The following CNTNAP2 variants were observed in gnomAD, a reference collection of about 807,000 sequenced individuals.
CNTNAP2 encodes contactin-associated protein-like 2.
CNTNAP2 carries 98 observed loss-of-function variants against 155.2 expected under a neutral mutation model. That is an observed-to-expected ratio of 0.63 (90% confidence interval 0.54 to 0.75). The LOEUF (loss-of-function observed/expected upper bound fraction) is 0.75, where lower values mean the gene tolerates loss of function less well. Among genes scored for constraint, CNTNAP2 ranks in the 30% least tolerant of loss-of-function variants. The pLI is 0.00. For missense variants in CNTNAP2, 1,727 were observed against 1,688.1 expected (o/e 1.02, Z -0.40); for synonymous variants, 651 against 631.2 (o/e 1.03, Z -0.47).
chr7:146,162,443 A>G (rs1798238810), intron 1 of CNTNAP2, among the ~76,000 whole-genome samples: 1 of 152,254 alleles, frequency 6.6e-6, no homozygotes, highest in Admixed American at 6.5e-5. Flanking sequence ...AATGCAAATC[A>G]AAACCACAAT....
intron 20 of CNTNAP2, among the ~76,000 whole-genome samples, chr7:148,257,622 C>G (rs1053545655): frequency 1.3e-5 from 2 of 152,142 alleles, no homozygotes; most frequent in Non-Finnish European, 2.9e-5. Context: ...CCTGCTGACC[C>G]TCACCCTGAT....
intron 1 of CNTNAP2, among the ~76,000 whole-genome samples, chr7:146,358,160 G>A (rs1196553632): frequency 3.9e-5 from 6 of 151,932 alleles, no homozygotes; most frequent in African/African-American, 7.3e-5. Context: ...TCAGCCTCCC[G>A]AGTAGCTGGG....
At chr7:147,329,017 C>T (rs1199915500) in intron 9 of CNTNAP2, among the ~76,000 whole-genome samples, 1 of 152,038 alleles carries the variant, frequency 6.6e-6, no homozygotes, top group African/African-American at 2.4e-5. Flanking sequence ...TTTTACAAAG[C>T]GAAGGCACCT....
At position 146,172,659 on chromosome 7, in the gene CNTNAP2, C is replaced by T. The variant is rs150565510; in HGVS notation, c.97+55686C>T. Among the ~76,000 whole-genome samples the T allele has an allele frequency of 4.6e-5, 7 of 152,128 alleles. No individual in the cohort carries two copies. In the East Asian group the frequency reaches 5.8e-4, roughly 13 times the overall value. Reference sequence around the variant, plus strand: ...ATAATTAATTAAGTTCTGATCATTACGTGTTTTCATTTCTGTGTGGATAAC... The same window carrying T: ...ATAATTAATTAAGTTCTGATCATTATGTGTTTTCATTTCTGTGTGGATAAC... On this transcript the variant is annotated intron_variant, in intron 1 of 23. Transcript: ENST00000361727.
At chr7:147,262,840 TA>T (rs1186310557) in intron 8 of CNTNAP2, among the ~76,000 whole-genome samples, 1 of 152,004 alleles carries the variant, frequency 6.6e-6, no homozygotes, top group Non-Finnish European at 1.5e-5. Flanking sequence ...GGTACCCAAG[TA>T]CAAGGAAAGA....
intron 22 of CNTNAP2, among the ~76,000 whole-genome samples, chr7:148,398,570 C>G (rs530882971): frequency 6.6e-6 from 1 of 152,190 alleles, no homozygotes; most frequent in Non-Finnish European, 1.5e-5. Context: ...CTAGAAATTT[C>G]CACAGAGGGA....
chr7:146,131,858 G>A (rs551212919), intron 1 of CNTNAP2, among the ~76,000 whole-genome samples: 7 of 152,048 alleles, frequency 4.6e-5, no homozygotes, highest in East Asian at 1.9e-4. Flanking sequence ...TGCTGTTCTC[G>A]TGATAGTGAG....
chr7:148,319,383 T>C (rs916665985), intron 21 of CNTNAP2, among the ~76,000 whole-genome samples: 2 of 152,136 alleles, frequency 1.3e-5, no homozygotes, highest in African/African-American at 4.8e-5. Context: ...AATATAAAAA[T>C]TATTAAGATA....
At chr7:147,074,449 C>A (rs1051861762) in intron 4 of CNTNAP2, among the ~76,000 whole-genome samples, 3 of 152,054 alleles carry the variant, frequency 2.0e-5, no homozygotes, top group African/African-American at 4.8e-5. Flanking sequence ...TTCCTGCCAC[C>A]ATTTCTATGG....
At chr7:146,411,957 C>T (rs1452682213) in intron 1 of CNTNAP2, among the ~76,000 whole-genome samples, 1 of 151,960 alleles carries the variant, frequency 6.6e-6, no homozygotes, top group Non-Finnish European at 1.5e-5. Context: ...CTGCCTCAAC[C>T]TCCCGAGTAG....
At chr7:147,882,888 T>C (rs1266524018) in intron 13 of CNTNAP2, among the ~76,000 whole-genome samples, 3 of 152,196 alleles carry the variant, frequency 2.0e-5, no homozygotes, top group Non-Finnish European at 4.4e-5. Context: ...GAAAAACAAT[T>C]TGGTTTGACA....
At chr7:147,432,975 A>T (rs947168695) in intron 10 of CNTNAP2, among the ~76,000 whole-genome samples, 2 of 152,332 alleles carry the variant, frequency 1.3e-5, no homozygotes, top group African/African-American at 4.8e-5. Flanking sequence ...TGTAACACAT[A>T]AGCTCTAAAA....
At chr7:147,692,273 G>A (rs958665724) in intron 13 of CNTNAP2, among the ~76,000 whole-genome samples, 2 of 152,048 alleles carry the variant, frequency 1.3e-5, no homozygotes, top group African/African-American at 4.8e-5. Context: ...AGGACATCTT[G>A]ATTGCTTCCA....
intron 1 of CNTNAP2, among the ~76,000 whole-genome samples, chr7:146,138,616 G>T (rs546857615): frequency 6.6e-6 from 1 of 152,142 alleles, no homozygotes; most frequent in African/African-American, 2.4e-5. Flanking sequence ...TAATCAACAT[G>T]TTCAGTTTAT....
intron 20 of CNTNAP2, among the ~76,000 whole-genome samples, chr7:148,247,547 G>T (rs1006884406): frequency 6.6e-6 from 1 of 151,400 alleles, no homozygotes; most frequent in Admixed American, 6.6e-5. Flanking sequence ...GCAATAAAAC[G>T]CCCGGCAATA....
chr7:146,930,218 C>A (rs1429069812), intron 3 of CNTNAP2, among the ~76,000 whole-genome samples: 1 of 152,104 alleles, frequency 6.6e-6, no homozygotes, highest in Non-Finnish European at 1.5e-5. Context: ...AAGGGAAGCC[C>A]ATCAGACTAA....
At chr7:147,560,590 C>A (rs1229973988) in intron 11 of CNTNAP2, among the ~76,000 whole-genome samples, 1 of 152,040 alleles carries the variant, frequency 6.6e-6, no homozygotes, top group Admixed American at 6.6e-5. Context: ...CCATCCTCTT[C>A]TAAGAGCAGT....
intron 1 of CNTNAP2, among the ~76,000 whole-genome samples, chr7:146,608,701 T>C (rs536522560): frequency 6.6e-6 from 1 of 152,278 alleles, no homozygotes; most frequent in Admixed American, 6.5e-5. Flanking sequence ...CAGCACTTCT[T>C]CTGATCAATT....
At chr7:146,132,068 T>G (rs904728173) in intron 1 of CNTNAP2, among the ~76,000 whole-genome samples, 4 of 152,236 alleles carry the variant, frequency 2.6e-5, no homozygotes, top group Admixed American at 6.5e-5. Context: ...GTAGATTCTT[T>G]ATAGCATTGC....
Sources: allele counts gnomAD v4.1 joint callset (sites outside exome capture counted in the v4.1 genomes callset), GRCh38; gene constraint gnomAD v4.1.1; transcripts MANE v1.5; gene names NCBI Gene and HGNC (gene_info 2026-07-23, HGNC 2026-07-21).